Variants in MYT1L observed in about 807,000 individuals in gnomAD.
The protein encoded by MYT1L is myelin transcription factor 1-like protein.
In MYT1L, 12 loss-of-function variants were observed where a neutral mutation model predicts 126.7. The observed-to-expected ratio is 0.09, with a 90% CI of 0.06 to 0.15. The LOEUF is 0.15. Ranked by LOEUF, MYT1L falls within the 10% of genes least tolerant of loss-of-function variation. The pLI is 1.00. For synonymous variants in MYT1L, 541 were observed against 604.2 expected (o/e 0.90, Z 1.53); for missense variants, 979 against 1,585.2 (o/e 0.62, Z 6.49).
chr2:1,881,387 T>TGC (rs2047527320), intron 18 of MYT1L, among the ~76,000 whole-genome samples: 1 of 151,772 alleles, frequency 6.6e-6, no homozygotes, highest in Non-Finnish European at 1.5e-5. Context: ...TGTGTGTGTG[T>TGC]GTGTGTGTGT....
intron 23 of MYT1L, among the ~76,000 whole-genome samples, chr2:1,795,040 TCTC>T (rs1333546543): frequency 1.3e-5 from 2 of 152,084 alleles, no homozygotes; most frequent in Non-Finnish European, 2.9e-5. Context: ...GGCCCCTGAA[TCTC>T]CTGCATCTCC....
rs1023613776 is a variant in MYT1L, at chr2:1,887,681, G to A, written c.2521-72C>T. 6.2e-6 allele frequency: 10 copies of A among 1,601,050 alleles called. No individual in the cohort carries two copies. The highest frequency in any genetic ancestry group is 1.7e-4 in the Middle Eastern group (1 of 5,782). On this transcript the variant is annotated intron_variant, in intron 16 of 24. Coordinates refer to ENST00000647738, the MANE Select transcript of MYT1L (RefSeq NM_001303052.2). This position sits in a 1 kb window ranked among gnomAD's most constrained non-coding sequence, Gnocchi z 4.8. ...ACACAGACTGAGGGAGGTGGTTCGTGGCTCTGGGGTGGCCTCTACATCTTA... is the reference window on the plus strand; with the variant it reads ...ACACAGACTGAGGGAGGTGGTTCGTAGCTCTGGGGTGGCCTCTACATCTTA...
intron 10 of MYT1L, among the ~76,000 whole-genome samples, chr2:1,918,003 G>A (rs185585897): frequency 6.6e-6 from 1 of 152,180 alleles, no homozygotes; most frequent in Admixed American, 6.5e-5. Context: ...GAAGCCACGG[G>A]AGCAGCCTTT....
At chr2:1,998,035 T>G (rs1043185081) in intron 4 of MYT1L, among the ~76,000 whole-genome samples, 9 of 152,148 alleles carry the variant, frequency 5.9e-5, no homozygotes, top group African/African-American at 2.2e-4. Flanking sequence ...TCCAGTATAG[T>G]TCTTCCCACC....
intron 14 of MYT1L, among the ~76,000 whole-genome samples, chr2:1,896,432 C>T (rs556218719): frequency 1.3e-5 from 2 of 152,278 alleles, no homozygotes; most frequent in African/African-American, 4.8e-5. Flanking sequence ...ACAGAATCAA[C>T]CTAGGCGCCC....
intron 2 of MYT1L, among the ~76,000 whole-genome samples, chr2:2,173,973 C>A (rs894269365): frequency 6.6e-6 from 1 of 152,146 alleles, no homozygotes; most frequent in Non-Finnish European, 1.5e-5. Flanking sequence ...CACAAGATTT[C>A]CTAGGAAACA....
intron 1 of MYT1L, chr2:2,304,134 T>C (rs1194917208): frequency 6.6e-6 from 1 of 152,190 alleles, no homozygotes; most frequent in Non-Finnish European, 1.5e-5. Flanking sequence ...ATTAACAAAT[T>C]CACTATTTAA....
chr2:1,893,890 A>T (rs2049243529), intron 14 of MYT1L, among the ~76,000 whole-genome samples: 1 of 152,118 alleles, frequency 6.6e-6, no homozygotes, highest in Non-Finnish European at 1.5e-5. Flanking sequence ...GTTATTGGTG[A>T]TTCTGTAATG....
intron 4 of MYT1L, among the ~76,000 whole-genome samples, chr2:2,009,909 T>G (rs1208382866): frequency 6.6e-6 from 1 of 151,460 alleles, no homozygotes; most frequent in East Asian, 1.9e-4. Context: ...TTTTTTTTTT[T>G]TTTTTTTTTC....
At chr2:1,876,213 A>G (rs564533294) in intron 18 of MYT1L, among the ~76,000 whole-genome samples, 1 of 152,286 alleles carries the variant, frequency 6.6e-6, no homozygotes, top group South Asian at 2.1e-4. Context: ...TTTAATTCCC[A>G]GAAAATCGGA....
At chr2:1,990,529 G>C (rs758648992) in intron 5 of MYT1L, among the ~76,000 whole-genome samples, 5 of 152,184 alleles carry the variant, frequency 3.3e-5, no homozygotes, top group Non-Finnish European at 5.9e-5. Context: ...GTGGGGAAGA[G>C]TGGGGTAAGG....
chr2:2,329,824 T>C (rs909491611), intron 1 of MYT1L, among the ~76,000 whole-genome samples: 1 of 152,176 alleles, frequency 6.6e-6, no homozygotes, highest in Non-Finnish European at 1.5e-5. Context: ...TTTGAGGTGA[T>C]AGAATCATAC....
rs375243666 is a variant in MYT1L, at chr2:1,903,147, A to C, written c.1965T>G (p.Thr655=). 17 of 1,613,906 alleles carry C rather than the reference A, an allele frequency of 1.1e-5. No individual in the cohort carries two copies. Among genetic ancestry groups the C allele is most frequent in the Non-Finnish European group, 1.4e-5 (16 of 1,179,908 alleles). ...TGGGAGCTATGGCTCGCTTGCCATA[A>C]GTATGGTTGTCGTAACTGTTGTATT... ...SFEYNSYDNH[T]YGKRAIAPKV... The change falls in exon 14 of 25, where the codon ACT becomes ACG. Residue 655 remains threonine (T), a synonymous_variant. Coordinates refer to ENST00000647738, the MANE Select transcript of MYT1L (RefSeq NM_001303052.2).
At chr2:1,933,368 C>A (rs1422887870) in intron 9 of MYT1L, among the ~76,000 whole-genome samples, 1 of 152,172 alleles carries the variant, frequency 6.6e-6, no homozygotes, top group Non-Finnish European at 1.5e-5. Flanking sequence ...GAAATACCAC[C>A]TAGGCTGAGG....
chr2:2,279,189 A>G (rs1448501810), intron 2 of MYT1L, among the ~76,000 whole-genome samples: 3 of 152,208 alleles, frequency 2.0e-5, no homozygotes, highest in African/African-American at 7.2e-5. Flanking sequence ...CTGTAAGGCC[A>G]CTATGAAGTT....
chr2:2,141,205 C>T (rs2148168921), intron 3 of MYT1L, among the ~76,000 whole-genome samples: 1 of 152,274 alleles, frequency 6.6e-6, no homozygotes, highest in South Asian at 2.1e-4. Context: ...TTAACGTACA[C>T]ACAGGCATGC....
intron 2 of MYT1L, among the ~76,000 whole-genome samples, chr2:2,248,249 C>T (rs961028250): frequency 1.3e-5 from 2 of 151,792 alleles, no homozygotes; most frequent in Admixed American, 1.3e-4. Flanking sequence ...CTACTATGAG[C>T]AACTATATAC....
At chr2:2,170,831 CTG>C (rs2089939591) in intron 3 of MYT1L, among the ~76,000 whole-genome samples, 1 of 152,168 alleles carries the variant, frequency 6.6e-6, no homozygotes. Flanking sequence ...CAGTGTGTGG[CTG>C]TCATGGTGAC....
intron 2 of MYT1L, among the ~76,000 whole-genome samples, chr2:2,185,778 G>A (rs1413597540): frequency 8.0e-6 from 1 of 124,682 alleles, no homozygotes; most frequent in Non-Finnish European, 1.7e-5. Context: ...TTACGTGAGG[G>A]GGACGCAGCC....
Sources: allele counts gnomAD v4.1 joint callset (sites outside exome capture counted in the v4.1 genomes callset), GRCh38; gene constraint gnomAD v4.1.1; non-coding constraint Gnocchi (gnomAD v3.1); transcripts MANE v1.5; gene names NCBI Gene and HGNC (gene_info 2026-07-23, HGNC 2026-07-21).